HEG1: variants seen among roughly 807,000 people sequenced by gnomAD.
The protein encoded by HEG1 is heart development protein with EGF like domains 1, also known as protein HEG homolog 1.
Under a neutral mutation model 125.6 loss-of-function variants are expected in HEG1, and 56 were observed. The ratio of observed to expected loss-of-function variants is 0.45; its 90% CI spans 0.36 to 0.56. The LOEUF is 0.56. Among genes scored for constraint, HEG1 ranks in the 20% least tolerant of loss-of-function variants. HEG1 has a pLI of 0.00. For synonymous variants in HEG1, 644 were observed against 668.5 expected, an observed-to-expected ratio of 0.96 and a Z score of 0.57; for missense variants, 1,523 against 1,670.0, an observed-to-expected ratio of 0.91 and a Z score of 1.53.
At chr3:125,050,392 A>G (rs936157091) in intron 1 of HEG1, among the ~76,000 whole-genome samples, 1 of 151,978 alleles carries the variant, frequency 6.6e-6, no homozygotes, top group African/African-American at 2.4e-5. Context: ...GATCCACCCG[A>G]CTTGGCCTCC....
At chr3:125,045,595 A>G (rs1937650421) in intron 1 of HEG1, among the ~76,000 whole-genome samples, 1 of 152,248 alleles carries the variant, frequency 6.6e-6, no homozygotes, top group Admixed American at 6.5e-5. Flanking sequence ...ATGACAGGAC[A>G]GAGACGAACA....
At chr3:125,044,110 G>A (rs1054164532) in intron 1 of HEG1, among the ~76,000 whole-genome samples, 4 of 152,328 alleles carry the variant, frequency 2.6e-5, no homozygotes, top group Non-Finnish European at 5.9e-5. Context: ...TGGAGCCGTG[G>A]AGTGATGTTT....
chr3:124,996,840 G>C (rs1040161959), intron 12 of HEG1, among the ~76,000 whole-genome samples: 6 of 152,198 alleles, frequency 3.9e-5, no homozygotes, highest in Admixed American at 3.9e-4. Flanking sequence ...GGCCATCCAT[G>C]ATGGCCTTTA....
chr3:124,983,136 A>G (rs1311300735), intron 14 of HEG1, among the ~76,000 whole-genome samples: 2 of 152,192 alleles, frequency 1.3e-5, no homozygotes, highest in Non-Finnish European at 2.9e-5. Flanking sequence ...GGATTCTTCC[A>G]ATAAACTCTC....
At chr3:125,009,680 G>A (rs765743626) in intron 8 of HEG1, 25 bp downstream of exon 8, 7 of 1,598,116 alleles carry the variant, frequency 4.4e-6, no homozygotes, top group Non-Finnish European at 6.0e-6. Flanking sequence ...ACGGAATAAA[G>A]TCCGAAATAG....
At chr3:124,977,335 T>C (rs6791378) in intron 15 of HEG1, among the ~76,000 whole-genome samples, 53,678 of 152,048 alleles carry the variant, frequency 0.35, 10,382 homozygotes, top group African/African-American at 0.51. Flanking sequence ...TTTACAGCAA[T>C]ACAAAATGGA....
intron 3 of HEG1, among the ~76,000 whole-genome samples, chr3:125,023,568 G>A (rs1170680424): frequency 6.6e-6 from 1 of 152,144 alleles, no homozygotes; most frequent in Non-Finnish European, 1.5e-5. Context: ...GAATACTTTG[G>A]CAGAGTTGGT....
chr3:125,006,928 G>A (rs771729870), intron 8 of HEG1, among the ~76,000 whole-genome samples: 8 of 151,974 alleles, frequency 5.3e-5, no homozygotes, highest in Admixed American at 6.6e-5. Context: ...GGCCGGGCGC[G>A]GTGGCTCACG....
intron 12 of HEG1, among the ~76,000 whole-genome samples, chr3:124,993,950 G>C (rs1936874022): frequency 6.6e-6 from 1 of 152,176 alleles, no homozygotes; most frequent in Non-Finnish European, 1.5e-5. Flanking sequence ...CCGTGGCGCT[G>C]TTCTGGGGAA....
At chr3:125,003,996 G>T (rs1415368061) in intron 9 of HEG1, among the ~76,000 whole-genome samples, 2 of 152,192 alleles carry the variant, frequency 1.3e-5, no homozygotes, top group Non-Finnish European at 2.9e-5. Flanking sequence ...CTTGAAATTG[G>T]TATCAGTAGT....
intron 1 of HEG1, among the ~76,000 whole-genome samples, chr3:125,047,556 G>A (rs1442147918): frequency 2.0e-5 from 3 of 151,852 alleles, no homozygotes; most frequent in Non-Finnish European, 1.5e-5. Context: ...AACACCAGCA[G>A]GGCTCTCGTC....
chr3:125,037,528 C>T (rs1171771328), intron 1 of HEG1, among the ~76,000 whole-genome samples: 1 of 152,220 alleles, frequency 6.6e-6, no homozygotes, highest in Non-Finnish European at 1.5e-5. Context: ...GCTGCTCTGC[C>T]CCTGGATGCC....
intron 1 of HEG1, among the ~76,000 whole-genome samples, chr3:125,049,473 AG>A (rs953340224): frequency 2.0e-4 from 30 of 152,288 alleles, no homozygotes; most frequent in African/African-American, 7.0e-4. Context: ...ACTGCCCCTC[AG>A]GGCTGAATCT....
intron 8 of HEG1, among the ~76,000 whole-genome samples, chr3:125,006,612 G>A (rs903772854): frequency 6.6e-6 from 1 of 152,180 alleles, no homozygotes; most frequent in Non-Finnish European, 1.5e-5. Context: ...CTACAGTTCA[G>A]TGAAGCCAGC....
At chr3:125,035,377 A>T (rs564729070) in intron 1 of HEG1, among the ~76,000 whole-genome samples, 1 of 152,332 alleles carries the variant, frequency 6.6e-6, no homozygotes, top group East Asian at 1.9e-4. Context: ...GAAACTGCAC[A>T]AAAACCACAG....
At chr3:125,047,018 G>A (rs1405348884) in intron 1 of HEG1, among the ~76,000 whole-genome samples, 4 of 152,244 alleles carry the variant, frequency 2.6e-5, no homozygotes, top group African/African-American at 9.6e-5. Flanking sequence ...GGTGAGGGCT[G>A]TTGCACTTGG....
chr3:125,008,667 G>A (rs1937106434), intron 8 of HEG1, among the ~76,000 whole-genome samples: 2 of 152,280 alleles, frequency 1.3e-5, no homozygotes, highest in South Asian at 2.1e-4. Context: ...GCATGGTGGT[G>A]CATGCCTGTA....
At chr3:124,993,669 C>T (rs1936868963) in intron 12 of HEG1, among the ~76,000 whole-genome samples, 1 of 152,204 alleles carries the variant, frequency 6.6e-6, no homozygotes, top group African/African-American at 2.4e-5. Flanking sequence ...GATGTCACAC[C>T]AGCCTTTTCT....
At chr3:125,042,246 G>A (rs1004361638) in intron 1 of HEG1, among the ~76,000 whole-genome samples, 1 of 152,114 alleles carries the variant, frequency 6.6e-6, no homozygotes, top group African/African-American at 2.4e-5. Context: ...TGGCCAACAT[G>A]GCAAAACCCT....
Sources: gnomAD v4.1 joint callset for allele counts (sites outside exome capture counted in the v4.1 genomes callset) on GRCh38, gnomAD v4.1.1 for gene constraint, MANE v1.5 for transcripts, NCBI Gene and HGNC (gene_info 2026-07-23, HGNC 2026-07-21) for gene names.